The following AFAP1L2 variants were observed in gnomAD, a reference collection of about 807,000 sequenced individuals.
AFAP1L2 encodes the protein actin filament-associated protein 1-like 2.
Under a neutral mutation model 99.3 loss-of-function variants are expected in AFAP1L2, and 46 were observed. The observed-to-expected ratio is 0.46, with a 90% CI of 0.37 to 0.59. The LOEUF (loss-of-function observed/expected upper bound fraction) is 0.59, where lower values mean the gene tolerates loss of function less well. AFAP1L2 is among the 20% of genes least tolerant of loss of function. The pLI, the probability that AFAP1L2 is intolerant of heterozygous loss-of-function variation, is 0.00. For missense variants in AFAP1L2, 959 were observed against 1,034.9 expected (o/e 0.93, Z 1.01); for synonymous variants, 397 against 419.1 (o/e 0.95, Z 0.64).
intron 5 of AFAP1L2, among the ~76,000 whole-genome samples, chr10:114,321,038 C>G (rs973168494): frequency 1.4e-4 from 22 of 152,216 alleles, no homozygotes; most frequent in Non-Finnish European, 1.5e-4. Flanking sequence ...GAGTTCCCAG[C>G]AGGAGGTGGC....
chr10:114,291,077 G>A, downstream of AFAP1L2: 1 of 959,962 alleles, frequency 1.0e-6, no homozygotes, highest in Admixed American at 2.1e-5. Flanking sequence ...AATCACATGG[G>A]GTCTCTAATC....
Position 114,304,921 on chromosome 10 carries a change from T to C in AFAP1L2, c.1082A>G (p.Asn361Ser). 1 of 1,612,844 alleles carries C rather than the reference T, an allele frequency of 6.2e-7. No homozygotes were observed. Among genetic ancestry groups the C allele is most frequent in the Non-Finnish European group, 8.5e-7 (1 of 1,179,948 alleles). ...ERSLETSSYL[N>S]VLVNSQWKSR... ...CTTCCACTGGCTGTTCACCAGCACGTTCAGGTAACCTGCAGGAGGAAGTGC... is the reference window on the plus strand; with the variant it reads ...CTTCCACTGGCTGTTCACCAGCACGCTCAGGTAACCTGCAGGAGGAAGTGC... Residue 361 changes from asparagine to serine, a missense_variant, in exon 11 of 19, where the codon AAC becomes AGC. Asn to Ser is a conservative substitution (Grantham distance 46, BLOSUM62 1). Coordinates refer to ENST00000304129, the MANE Select transcript of AFAP1L2 (RefSeq NM_001001936.3).
At chr10:114,337,995 C>T (rs749097328) in intron 2 of AFAP1L2, among the ~76,000 whole-genome samples, 15 of 152,132 alleles carry the variant, frequency 9.9e-5, no homozygotes, top group Non-Finnish European at 1.6e-4. Context: ...GGCGGGCGGA[C>T]GCTCCCTACA....
intron 8 of AFAP1L2, among the ~76,000 whole-genome samples, chr10:114,309,810 C>A (rs922067137): frequency 6.6e-6 from 1 of 152,160 alleles, no homozygotes; most frequent in African/African-American, 2.4e-5. Flanking sequence ...CCCTGTCTCC[C>A]CATTCGCCCA....
At chr10:114,347,327 A>G (rs959527819) in intron 1 of AFAP1L2, among the ~76,000 whole-genome samples, 1 of 152,192 alleles carries the variant, frequency 6.6e-6, no homozygotes, top group African/African-American at 2.4e-5. Context: ...CTGGAAAAAT[A>G]CACTCCTCAC....
chr10:114,317,976 A>G, intron 5 of AFAP1L2, among the ~76,000 whole-genome samples: 1 of 152,246 alleles, frequency 6.6e-6, no homozygotes, highest in East Asian at 1.9e-4. Flanking sequence ...CCACTTAGTC[A>G]TGTCCATGCA....
At chr10:114,333,939 C>A (rs971514538) in intron 2 of AFAP1L2, among the ~76,000 whole-genome samples, 2 of 152,194 alleles carry the variant, frequency 1.3e-5, no homozygotes, top group African/African-American at 4.8e-5. Context: ...TCATTCTCAC[C>A]CTAGTCTGAA....
intron 1 of AFAP1L2, among the ~76,000 whole-genome samples, chr10:114,396,968 C>T (rs896384038): frequency 4.6e-5 from 7 of 152,176 alleles, no homozygotes; most frequent in African/African-American, 1.4e-4. Context: ...GCATACACCT[C>T]CAGAACCATT....
At chr10:114,350,978 G>T (rs1424442139) in intron 1 of AFAP1L2, among the ~76,000 whole-genome samples, 1 of 152,148 alleles carries the variant, frequency 6.6e-6, no homozygotes, top group Non-Finnish European at 1.5e-5. Flanking sequence ...CAGAAGAGTG[G>T]CTTCATTCAG....
Position 114,295,703 on chromosome 10 carries a change from C to G in AFAP1L2, c.*339G>C. The G allele has an allele frequency of 9.5e-7, 1 of 1,053,656 alleles. No homozygotes were observed. The highest frequency in any genetic ancestry group is 1.1e-6 in the Non-Finnish European group (1 of 873,606). The allele number at this position is 1,053,656 out of a possible 1,614,324, so 65.3% of individuals were successfully genotyped here. ...CCTGCTTCCTTGATTCATCTTCCAC[C>G]AAAGTCTAAACAGGAGGTTTTCACT... On this transcript the variant is annotated 3_prime_UTR_variant, in exon 19 of 19. Coordinates refer to ENST00000304129, the MANE Select transcript of AFAP1L2 (RefSeq NM_001001936.3).
chr10:114,352,212 C>G (rs2050612611), intron 1 of AFAP1L2, among the ~76,000 whole-genome samples: 1 of 152,150 alleles, frequency 6.6e-6, no homozygotes, highest in South Asian at 2.1e-4. Context: ...TGGCTCACAC[C>G]TGTAATCCCA....
At chr10:114,311,169 GGTGGGTTT>G (rs1478587162) in intron 7 of AFAP1L2, among the ~76,000 whole-genome samples, 1 of 152,180 alleles carries the variant, frequency 6.6e-6, no homozygotes, top group African/African-American at 2.4e-5. Context: ...GAAAAGGATA[GGTGGGTTT>G]GGGCAGTCAG....
Position 114,377,306 on chromosome 10 carries a change from T to A in AFAP1L2, c.16+27134A>T, listed in dbSNP as rs73369128. 7.1e-3 allele frequency among the ~76,000 whole-genome samples: 1,088 copies of A among 152,296 alleles called. 5 individuals carry two copies. Among genetic ancestry groups the A allele is most frequent in the African/African-American group, 0.025 (1,022 of 41,554 alleles). On this transcript the variant is annotated intron_variant, in intron 1 of 18. Coordinates refer to ENST00000304129, the MANE Select transcript of AFAP1L2 (RefSeq NM_001001936.3). The surrounding 1 kb of genome is among the most constrained non-coding windows in gnomAD (Gnocchi z 4.0). ...TAGAAATATTCTGCCTTAAAACCCT[T>A]CAGAGAGGCCAGTTCCAAGGCAAGA... is the stretch of plus-strand genomic sequence containing the variant.
At chr10:114,301,802 A>C in intron 12 of AFAP1L2, 1 of 350,406 alleles carries the variant, frequency 2.9e-6, no homozygotes, top group Non-Finnish European at 5.4e-6. Context: ...TTCTCATTTC[A>C]TCTTCACAAT....
At chr10:114,360,069 G>T (rs2052021966) in intron 1 of AFAP1L2, among the ~76,000 whole-genome samples, 1 of 152,202 alleles carries the variant, frequency 6.6e-6, no homozygotes, top group Non-Finnish European at 1.5e-5. Flanking sequence ...TGGATGTGCT[G>T]GTGAGGATGT....
At chr10:114,306,853 C>G (rs985687559) in intron 10 of AFAP1L2, among the ~76,000 whole-genome samples, 3 of 152,152 alleles carry the variant, frequency 2.0e-5, no homozygotes, top group African/African-American at 7.2e-5. Flanking sequence ...AGCTCCCAGG[C>G]CAAACATCAT....
chr10:114,297,535 A>G (rs2040448361), intron 16 of AFAP1L2, 122 bp from the exon 17 acceptor site: 1 of 1,060,770 alleles, frequency 9.4e-7, no homozygotes, highest in African/African-American at 1.6e-5. Context: ...TCTGGCCCCA[A>G]CACTCAGAGC....
chr10:114,380,808 C>T (rs1342147063), intron 1 of AFAP1L2, among the ~76,000 whole-genome samples: 1 of 152,176 alleles, frequency 6.6e-6, no homozygotes, highest in Non-Finnish European at 1.5e-5. Context: ...TTGTATCATA[C>T]AATAGGAAGA....
At chr10:114,331,059 G>A (rs1590231719) in intron 4 of AFAP1L2, among the ~76,000 whole-genome samples, 1 of 152,146 alleles carries the variant, frequency 6.6e-6, no homozygotes, top group African/African-American at 2.4e-5. Flanking sequence ...AGAATCCAGG[G>A]GCAGAAAGGA....
Sources: allele counts gnomAD v4.1 joint callset (sites outside exome capture counted in the v4.1 genomes callset), GRCh38; gene constraint gnomAD v4.1.1; non-coding constraint Gnocchi (gnomAD v3.1); transcripts MANE v1.5; gene names NCBI Gene and HGNC (gene_info 2026-07-23, HGNC 2026-07-21).